Variants in EMC10 observed in about 807,000 individuals in gnomAD.
The protein encoded by EMC10 is UPF0510 protein INM02.
In EMC10, 40 loss-of-function variants were observed where a neutral mutation model predicts 32.2. That is an observed-to-expected ratio of 1.24 (90% CI 0.96 to 1.61). EMC10 has a LOEUF of 1.61. Ranked by LOEUF, EMC10 falls within the 40% of genes most tolerant of loss-of-function variation. The pLI is 0.00. For missense variants in EMC10, 402 were observed against 357.7 expected (o/e 1.12, Z -1.00); for synonymous variants, 178 against 158.4 (o/e 1.12, Z -0.93).
chr19:50,482,138 TC>T lies in EMC10; in HGVS notation c.679-9del. On this transcript the variant is annotated splice_polypyrimidine_tract_variant and intron_variant, in intron 6 of 6. Transcript: ENST00000334976. ...CTGTGTCTGTCTGTCCATCCTTCCG[TC>T]CGGCTGCAGTGGATGTACATCATTC... 1.3e-6 allele frequency: 2 copies of T among 1,536,204 alleles called. No homozygotes were observed. The highest frequency in any genetic ancestry group is 1.8e-6 in the Non-Finnish European group (2 of 1,113,308).
At position 50,480,799 on chromosome 19, in the gene EMC10, T is replaced by C; in HGVS notation, c.584+37T>C. 6.4e-7 allele frequency: 1 copy of C among 1,565,652 alleles called. No homozygotes were observed. The highest frequency in any genetic ancestry group is 8.7e-7 in the Non-Finnish European group (1 of 1,153,476). ...CTGCCTTCGCGGCGCTCTTGCCACC[T>C]GCCCCGGCCCTTCCTGGCGGCCTCA... On this transcript the variant is annotated intron_variant, in intron 5 of 6. Transcript: ENST00000334976. This position sits in a 1 kb window ranked among gnomAD's most constrained non-coding sequence, Gnocchi z 4.4.
chr19:50,477,795 G>A, intron 1 of EMC10, 134 bp from the exon 2 acceptor site: 1 of 597,622 alleles, frequency 1.7e-6, no homozygotes, highest in Admixed American at 3.9e-5. Context: ...TGAAATAAAG[G>A]CAAGCAGCAG....
In EMC10 at chr19:50,484,217, AG is replaced by A. The variant is rs981379851; in HGVS notation, c.*1961del. 5 of 150,628 alleles carry A rather than the reference AG, an allele frequency of 3.3e-5. No homozygotes were observed. The highest frequency in any genetic ancestry group is 1.2e-4 in the African/African-American group (5 of 40,902). The allele number at this position is 150,628 out of a possible 1,614,324, so 9.3% of individuals were successfully genotyped here. The stretch of plus-strand genomic sequence containing the variant: ...TAATTTTTGTATTGTTAGTAGAGAC[AG>A]GGTTTCACCATGTTGGCCAGGCTAG... On this transcript the variant is annotated 3_prime_UTR_variant, in exon 7 of 7. Transcript: ENST00000334976.
intron 6 of EMC10, chr19:50,481,833 C>T (rs1601327769): frequency 6.5e-7 from 1 of 1,537,818 alleles, no homozygotes; most frequent in Non-Finnish European, 8.7e-7. Context: ...AGCCCACTGG[C>T]CCTGACCTGC....
intron 2 of EMC10, among the ~76,000 whole-genome samples, chr19:50,478,395 A>G (rs376988018): frequency 6.6e-6 from 1 of 152,182 alleles, no homozygotes; most frequent in African/African-American, 2.4e-5. Flanking sequence ...GCACCACACA[A>G]GGTCTCATCG....
Position 50,476,667 on chromosome 19 carries a change from T to A in EMC10, c.114+9T>A, listed in dbSNP as rs918611953. The A allele has an allele frequency of 3.4e-6, 5 of 1,488,264 alleles. No individual in the cohort carries two copies. The African/African-American group carries it at 7.2e-5, about 21-fold the overall frequency. 92.2% of individuals were successfully genotyped at this position (1,488,264 alleles called of 1,614,324 possible). ...GGACTGGTGCGCGAGGGGTGAGTGC[T>A]CTTTAGCTGTGCATAGCGGGCGCGG... On this transcript the variant is annotated intron_variant, in intron 1 of 6. Coordinates refer to ENST00000334976, the MANE Select transcript of EMC10 (RefSeq NM_206538.4).
Position 50,488,427 on chromosome 19 carries a change from G to A in EMC10, c.*6168G>A, listed in dbSNP as rs1978466820. 1 of 150,882 alleles carries A rather than the reference G, an allele frequency of 6.6e-6. No homozygotes were observed. The highest frequency in any genetic ancestry group is 2.1e-4 in the South Asian group (1 of 4,724). The allele number at this position is 150,882 out of a possible 1,614,324, so 9.3% of individuals were successfully genotyped here. A position where few individuals can be genotyped will look rare whatever the true frequency, so the allele number is the denominator to read the frequency against. Reference sequence around the variant, plus strand: ...AAAAAACAGAAGAGGAAAGAAAGACGAGGGGGTGAAAAAAGGGACAGGAAG... The same window carrying A: ...AAAAAACAGAAGAGGAAAGAAAGACAAGGGGGTGAAAAAAGGGACAGGAAG... On this transcript the variant is annotated 3_prime_UTR_variant, in exon 7 of 7. Transcript: ENST00000334976.
At chr19:50,481,022 C>A in intron 6 of EMC10, 45 bp downstream of exon 6, 1 of 1,499,238 alleles carries the variant, frequency 6.7e-7, no homozygotes, top group South Asian at 1.2e-5. Flanking sequence ...CCTGACAGTC[C>A]CGGTGCCTGG....
At position 50,483,831 on chromosome 19, in the gene EMC10, G is replaced by C. The variant is rs1395989539; in HGVS notation, c.*1572G>C. 1 of 151,958 alleles carries C rather than the reference G, an allele frequency of 6.6e-6. No homozygotes were observed. The highest frequency in any genetic ancestry group is 2.4e-5 in the African/African-American group (1 of 41,326). The allele number at this position is 151,958 out of a possible 1,614,324, so 9.4% of individuals were successfully genotyped here. Reference sequence around the variant, plus strand: ...CCTGCCTCGGCTTCCCAAAGTGCTGGGATTACAGGCGTGAGCCACCGCGCC... The same window carrying C: ...CCTGCCTCGGCTTCCCAAAGTGCTGCGATTACAGGCGTGAGCCACCGCGCC... On this transcript the variant is annotated 3_prime_UTR_variant, in exon 7 of 7. Coordinates refer to ENST00000334976, the MANE Select transcript of EMC10 (RefSeq NM_206538.4).
intron 2 of EMC10, 31 bp from the exon 3 acceptor site, chr19:50,478,926 G>A: frequency 1.3e-6 from 2 of 1,541,528 alleles, no homozygotes; most frequent in Non-Finnish European, 1.8e-6. Context: ...GGGCGGGGGA[G>A]GGGGCGTCTC....
chr19:50,476,958 A>G (rs2040235822), intron 1 of EMC10: 1 of 311,282 alleles, frequency 3.2e-6, no homozygotes, highest in Non-Finnish European at 5.9e-6. Flanking sequence ...GGCGGTTGAA[A>G]TGAAAGAGGC....
rs768914781 is a variant in EMC10 at position 50,480,199 on chromosome 19, C to T, written c.386C>T (p.Ser129Phe). ...GGCCTGGAAGCTGGTGGCTATGTCT[C>T]CTCCTTTGTCCCTGCGGTGAGTTGG... ...LDGLEAGGYVSSFVPACSLVE... is the reference protein window; with the variant it reads ...LDGLEAGGYVFSFVPACSLVE... Residue 129 changes from serine to phenylalanine, a missense_variant, in exon 4 of 7, where the codon TCC (serine) becomes TTC (phenylalanine). Ser to Phe is a radical substitution (Grantham distance 155). Coordinates refer to ENST00000334976, the MANE Select transcript of EMC10 (RefSeq NM_206538.4). The surrounding 1 kb of genome is among the most constrained non-coding windows in gnomAD (Gnocchi z 4.4). 1 of 1,613,538 alleles carries T rather than the reference C, an allele frequency of 6.2e-7. No homozygotes were observed. Among genetic ancestry groups the T allele is most frequent in the African/African-American group, 1.3e-5 (1 of 74,916 alleles).
At chr19:50,477,778 T>C in intron 1 of EMC10, 151 bp from the exon 2 acceptor site, 1 of 560,786 alleles carries the variant, frequency 1.8e-6, no homozygotes, top group Non-Finnish European at 3.1e-6. Context: ...AAATGGGTGG[T>C]TTCTAGTGAA....
Position 50,487,494 on chromosome 19 carries a change from G to C in EMC10, c.*5235G>C, listed in dbSNP as rs1978407406. On this transcript the variant is annotated 3_prime_UTR_variant, in exon 7 of 7. Coordinates refer to ENST00000334976, the MANE Select transcript of EMC10 (RefSeq NM_206538.4). ...GCCTGATTCCTCCAGGCAGTGTCCA[G>C]AGTTCCGGACAGATGGAAAAGGAAG... 1 of 152,388 alleles carries C rather than the reference G, an allele frequency of 6.6e-6. No individual in the cohort carries two copies. The highest frequency in any genetic ancestry group is 1.5e-5 in the Non-Finnish European group (1 of 68,186). The allele number at this position is 152,388 out of a possible 1,614,324, so 9.4% of individuals were successfully genotyped here.
Position 50,484,018 on chromosome 19 carries a change from C to CTTTTTTTTTTTTTTTTTTTTTT in EMC10, c.*1765_*1786dup, listed in dbSNP as rs150801533. The CTTTTTTTTTTTTTTTTTTTTTT allele has an allele frequency of 3.0e-4, 15 of 50,778 alleles. 5 individuals carry two copies. The highest frequency in any genetic ancestry group is 6.5e-4 in the African/African-American group (7 of 10,732). The allele number at this position is 50,778 out of a possible 1,614,324, so 3.1% of individuals were successfully genotyped here. On this transcript the variant is annotated 3_prime_UTR_variant, in exon 7 of 7. Coordinates refer to ENST00000334976, the MANE Select transcript of EMC10 (RefSeq NM_206538.4). Reference sequence around the variant, plus strand: ...AGGATTCCAGAAATATTTACTAATGCTTTTTTTTTTTTTTTTTTTTTTTTT... The same window carrying CTTTTTTTTTTTTTTTTTTTTTT: ...AGGATTCCAGAAATATTTACTAATGCTTTTTTTTTTTTTTTTTTTTTTTTTTTTTTTTTTTTTTTTTTTTTTT...
rs1002637526 is a variant in EMC10, at chr19:50,480,624, A to G, written c.446A>G (p.His149Arg). Residue 149 changes from histidine (H) to arginine (R), a missense_variant, in exon 5 of 7, where the codon CAC becomes CGC. Transcript: ENST00000334976. This position sits in a 1 kb window ranked among gnomAD's most constrained non-coding sequence, Gnocchi z 4.4. ...CACCTGTCGGACCAGCTGACCCTGCACGTGGATGTGGCCGGCAACGTGGTG... is the reference window on the plus strand; with the variant it reads ...CACCTGTCGGACCAGCTGACCCTGCGCGTGGATGTGGCCGGCAACGTGGTG... Reference protein sequence around the residue: ...ESHLSDQLTLHVDVAGNVVGV... With the variant: ...ESHLSDQLTLRVDVAGNVVGV... The G allele has an allele frequency of 2.5e-6, 4 of 1,576,664 alleles. No homozygotes were observed. Among genetic ancestry groups the G allele is most frequent in the Non-Finnish European group, 1.7e-6 (2 of 1,161,660 alleles).
intron 3 of EMC10, among the ~76,000 whole-genome samples, chr19:50,479,428 G>A (rs2040283072): frequency 6.6e-6 from 1 of 152,244 alleles, no homozygotes; most frequent in Non-Finnish European, 1.5e-5. Context: ...CCTCAAAATA[G>A]CTATGGTTGG....
chr19:50,479,162 C>T (rs1032935068), intron 3 of EMC10, 96 bp downstream of exon 3: 12 of 972,244 alleles, frequency 1.2e-5, no homozygotes, highest in Admixed American at 6.5e-5. Flanking sequence ...AGCCTTCCCT[C>T]CAGGCCCAGG....
rs1166720569 is a variant in EMC10, at chr19:50,486,178, T to A, written c.*3919T>A. The A allele has an allele frequency of 1.3e-5, 2 of 152,150 alleles. No individual in the cohort carries two copies. Among genetic ancestry groups the A allele is most frequent in the Non-Finnish European group, 2.9e-5 (2 of 68,022 alleles). 9.4% of individuals were successfully genotyped at this position (152,150 alleles called of 1,614,324 possible). ...CTACTGGAAACTATAGGCTCCTTTT[T>A]TTTTGGTGGGTGGGGGGCAGGTGTG... On this transcript the variant is annotated 3_prime_UTR_variant, in exon 7 of 7. Transcript: ENST00000334976.
Sources: gnomAD v4.1 joint callset for allele counts (sites outside exome capture counted in the v4.1 genomes callset) on GRCh38, gnomAD v4.1.1 for gene constraint, Gnocchi (gnomAD v3.1) non-coding constraint, MANE v1.5 for transcripts, NCBI Gene and HGNC (gene_info 2026-07-23, HGNC 2026-07-21) for gene names.